IRAK1: variants seen among roughly 807,000 people sequenced by gnomAD.
IRAK1 encodes interleukin 1 receptor associated kinase 1.
Under a neutral mutation model 49.8 loss-of-function variants are expected in IRAK1, and 9 were observed. The ratio of observed to expected loss-of-function variants is 0.18; its 90% CI spans 0.11 to 0.32. IRAK1 has a LOEUF of 0.32. IRAK1 is among the 10% of genes least tolerant of loss of function. The probability of loss-of-function intolerance (pLI) is 1.00; values close to 1 mark genes in which losing one functional copy is unlikely to be tolerated. For synonymous variants in IRAK1, 282 were observed against 270.8 expected (o/e 1.04, Z -0.41); for missense variants, 418 against 600.5 (o/e 0.70, Z 3.18).
At chrX:154,018,167 C>G in intron 6 of IRAK1, 47 bp from the exon 7 acceptor site, 2 of 1,116,146 alleles carry the variant, frequency 1.8e-6, no homozygotes, top group Non-Finnish European at 2.5e-6. Flanking sequence ...ACTGGGTGGG[C>G]AGCCCTGGCT....
intron 7 of IRAK1, among the ~76,000 whole-genome samples, 179 bp downstream of exon 7, chrX:154,017,826 AT>A (rs58801763): frequency 0.087 from 2,749 of 31,464 alleles, 620 homozygotes; most frequent in Non-Finnish European, 0.12. Flanking sequence ...AAAAAAAAAA[AT>A]TGACCCCACC....
intron 7 of IRAK1, among the ~76,000 whole-genome samples, 174 bp downstream of exon 7, chrX:154,017,832 C>T: frequency 9.5e-6 from 1 of 105,209 alleles, no homozygotes; most frequent in East Asian, 3.0e-4. Context: ...AAAAATTGAC[C>T]CCACCGTGGG....
At chrX:154,018,843 G>A (rs1603304881) in intron 4 of IRAK1, 56 bp from the exon 5 acceptor site, 1 of 740,387 alleles carries the variant, frequency 1.4e-6, no homozygotes, top group East Asian at 3.4e-5. Flanking sequence ...TTCTGCCCAA[G>A]GCTCCAGGCT....
In IRAK1 at chrX:154,011,154, G is replaced by GACTC. The variant is rs1476736019; in HGVS notation, c.*701_*704dup. 3.0e-6 allele frequency: 1 copy of GACTC among 328,318 alleles called. No individual in the cohort carries two copies. Among genetic ancestry groups the GACTC allele is most frequent in the Non-Finnish European group, 6.0e-6 (1 of 165,695 alleles). The allele number at this position is 328,318 out of a possible 1,213,427, so 27.1% of individuals were successfully genotyped here. On this transcript the variant is annotated 3_prime_UTR_variant, in exon 14 of 14. Coordinates refer to ENST00000369980, the MANE Select transcript of IRAK1 (RefSeq NM_001569.4). ...GGCTGGAGTGCAGTCATACAATCAT[G>GACTC]ACTCACTGCAGCCTCGACCTCCCAA... is the stretch of plus-strand genomic sequence containing the variant.
chrX:154,011,895 C>A lies in IRAK1; in HGVS notation c.2103G>T (p.Arg701Ser), dbSNP rs1240155812. Residue 701 changes from arginine to serine, a missense_variant, in exon 14 of 14, where the codon AGG becomes AGT. By Grantham distance (110) the Arg-to-Ser change is moderately radical (BLOSUM62 -1). Coordinates refer to ENST00000369980, the MANE Select transcript of IRAK1 (RefSeq NM_001569.4). The part of the protein sequence containing the change: ...SLPGLGLEQD[R>S]QGPEESDEFQ... ...ATTCATCACTTTCTTCGGGCCCCTG[C>A]CTGTCCTGTTCCAGGCCCAAGCCTA... is the stretch of plus-strand genomic sequence containing the variant. The A allele has an allele frequency of 8.3e-7, 1 of 1,209,996 alleles. No individual in the cohort carries two copies. Among genetic ancestry groups the A allele is most frequent in the African/African-American group, 1.7e-5 (1 of 57,599 alleles).
Position 154,011,837 on chromosome X carries a change from G to C in IRAK1, c.*22C>G. ...TGAGAACTTTGACTTCCGGATTTGG[G>C]GGATCTGCCCAGGTGAACACATCAG... On this transcript the variant is annotated 3_prime_UTR_variant, in exon 14 of 14. Coordinates refer to ENST00000369980, the MANE Select transcript of IRAK1 (RefSeq NM_001569.4). 8.3e-7 allele frequency: 1 copy of C among 1,202,651 alleles called. No homozygotes were observed. Among genetic ancestry groups the C allele is most frequent in the African/African-American group, 1.7e-5 (1 of 57,823 alleles).
rs1194250023 is a variant in IRAK1 at position 154,018,011 on chromosome X, A to T, written c.904T>A (p.Cys302Ser). ...PNGSLEDRLH[C>S]QTQACPPLSW... ...GCCGGGCCAGGTGAGCCTACCTGGC[A>T]GTGGAGACGGTCCTCCAGGGAGCCG... The change falls in exon 7 of 14, where the codon TGC becomes AGC. Residue 302 changes from cysteine (C) to serine (S), a missense_variant. Cys to Ser is a moderately radical substitution (Grantham distance 112). Around this residue, in one of 3 missense-constraint regions of IRAK1, gnomAD observed 377 missense variants for 499.5 expected, o/e 0.75. Transcript: ENST00000369980. The T allele has an allele frequency of 1.7e-6, 2 of 1,192,099 alleles. No individual in the cohort carries two copies. The highest frequency in any genetic ancestry group is 2.3e-6 in the Non-Finnish European group (2 of 878,954).
chrX:154,018,523 C>T (rs2065756187), intron 5 of IRAK1, 76 bp downstream of exon 5: 4 of 961,613 alleles, frequency 4.2e-6, no homozygotes, highest in Non-Finnish European at 5.9e-6. Context: ...TGTGGGGAAG[C>T]GAGGGGGAAA....
chrX:154,013,707 C>T (rs2065718254), intron 11 of IRAK1, among the ~76,000 whole-genome samples: 2 of 113,099 alleles, frequency 1.8e-5, no homozygotes, highest in Admixed American at 1.9e-4. Flanking sequence ...CGGGGCCTCT[C>T]CATTTTCAAC....
intron 6 of IRAK1, 66 bp from the exon 7 acceptor site, chrX:154,018,186 A>C: frequency 9.2e-7 from 1 of 1,082,133 alleles, no homozygotes; most frequent in Non-Finnish European, 1.3e-6. Flanking sequence ...CTGGGGCCTC[A>C]GCTCGCCCGG....
chrX:154,018,840 C>T, intron 4 of IRAK1, 53 bp from the exon 5 acceptor site: 1 of 758,661 alleles, frequency 1.3e-6, no homozygotes, highest in Non-Finnish European at 2.0e-6. Flanking sequence ...CCCTTCTGCC[C>T]AAGGCTCCAG....
At position 154,018,630 on chromosome X, in the gene IRAK1, T is replaced by C; in HGVS notation, c.698A>G (p.Asn233Ser). ...CAGCCTCTTCACAGCATACACCGTGTTCCTCATCACCGCCCGGTACACGCA... is the reference window on the plus strand; with the variant it reads ...CAGCCTCTTCACAGCATACACCGTGCTCCTCATCACCGCCCGGTACACGCA... ...FGCVYRAVMR[N>S]TVYAVKRLKE... The change falls in exon 5 of 14, where the codon AAC becomes AGC. Residue 233 changes from asparagine (N) to serine (S), a missense_variant. Physicochemically the swap from Asn to Ser is conservative, Grantham distance 46. Around this residue, in one of 3 missense-constraint regions of IRAK1, gnomAD observed 377 missense variants for 499.5 expected, o/e 0.75. Coordinates refer to ENST00000369980, the MANE Select transcript of IRAK1 (RefSeq NM_001569.4). The C allele has an allele frequency of 8.3e-7, 1 of 1,209,761 alleles. No homozygotes were observed. Among genetic ancestry groups the C allele is most frequent in the Non-Finnish European group, 1.1e-6 (1 of 894,054 alleles).
rs782052791 is a variant in IRAK1 at position 154,014,029 on chromosome X, C to T, written c.1539+13G>A. 4.2e-6 allele frequency: 5 copies of T among 1,195,806 alleles called. No homozygotes were observed. The highest frequency in any genetic ancestry group is 2.4e-5 in the Admixed American group (1 of 42,439). ...TCTATCTGGCCACCCCGTCCCAGTG[C>T]GCAGCTGGCTACCTGGGTCATAGGA... is the stretch of plus-strand genomic sequence containing the variant. On this transcript the variant is annotated intron_variant, in intron 11 of 13. Coordinates refer to ENST00000369980, the MANE Select transcript of IRAK1 (RefSeq NM_001569.4).
chrX:154,012,692 G>C lies in IRAK1; in HGVS notation c.1931-14C>G. 1 of 1,206,935 alleles carries C rather than the reference G, an allele frequency of 8.3e-7. No individual in the cohort carries two copies. Among genetic ancestry groups the C allele is most frequent in the Non-Finnish European group, 1.1e-6 (1 of 892,291 alleles). ...CAAGGGCCAGTCCTGGGGTGGAGAT[G>C]GCACTCCCTTAGCCTCATGCTGTGG... On this transcript the variant is annotated splice_polypyrimidine_tract_variant and intron_variant, in intron 12 of 13. Transcript: ENST00000369980.
Position 154,017,989 on chromosome X carries a change from G to A in IRAK1, c.909+17C>T, listed in dbSNP as rs200201453. 5.4e-4 allele frequency: 609 copies of A among 1,126,070 alleles called. 2 individuals carry two copies. Among genetic ancestry groups the A allele is most frequent in the Non-Finnish European group, 1.1e-4 (88 of 819,167 alleles). 92.8% of individuals were successfully genotyped at this position (1,126,070 alleles called of 1,213,427 possible). On this transcript the variant is annotated intron_variant, in intron 7 of 13. Transcript: ENST00000369980. ...TGCTTTGGGTCCTGGGAAGCGTGCC[G>A]GGCCAGGTGAGCCTACCTGGCAGTG...
rs782010154 is a variant in IRAK1 at position 154,019,714 on chromosome X, C to A, written c.99G>T (p.Val33=). Residue 33 remains valine, a synonymous_variant, in exon 1 of 14, where the codon GTG becomes GTT. Transcript: ENST00000369980. ...AGTCGGCGGGCTCCAGGGCGTCCATCACTTTGTAGAAGCGGCACATGACCC... is the reference window on the plus strand; with the variant it reads ...AGTCGGCGGGCTCCAGGGCGTCCATAACTTTGTAGAAGCGGCACATGACCC... The part of the protein sequence containing the change: ...PPWVMCRFYK[V]MDALEPADWC... 1.2e-5 allele frequency: 12 copies of A among 991,016 alleles called. No individual in the cohort carries two copies. The highest frequency in any genetic ancestry group is 4.0e-5 in the East Asian group (1 of 24,701). 81.7% of individuals were successfully genotyped at this position (991,016 alleles called of 1,213,427 possible).
intron 4 of IRAK1, 31 bp downstream of exon 4, chrX:154,018,944 G>A (rs781967042): frequency 3.6e-6 from 4 of 1,103,480 alleles, no homozygotes; most frequent in East Asian, 3.0e-5. Context: ...TCCTTGTCTC[G>A]AATCTTCCCT....
In IRAK1 at chrX:154,010,772, TCTCA is replaced by T. The variant is rs1238741684; in HGVS notation, c.*1083_*1086del. 8.3e-6 allele frequency: 2 copies of T among 241,060 alleles called. No homozygotes were observed. Among genetic ancestry groups the T allele is most frequent in the African/African-American group, 5.7e-5 (2 of 34,851 alleles). The allele number at this position is 241,060 out of a possible 1,213,427, so 19.9% of individuals were successfully genotyped here. ...CCAACTTTTCTGCCTTCCAGGGGCT[TCTCA>T]CTGTCTGGGTAACTAGGTCTTGGGC... On this transcript the variant is annotated 3_prime_UTR_variant, in exon 14 of 14. Transcript: ENST00000369980.
At chrX:154,017,109 G>A (rs985740846) in intron 7 of IRAK1, 42 bp from the exon 8 acceptor site, 5 of 858,613 alleles carry the variant, frequency 5.8e-6, no homozygotes, top group East Asian at 3.1e-5. Flanking sequence ...CTGGATGGCC[G>A]TTCCTTGATC....
Sources: gnomAD v4.1 joint callset for allele counts (sites outside exome capture counted in the v4.1 genomes callset) on GRCh38, gnomAD v4.1.1 for gene constraint, gnomAD v4.1.1 regional missense constraint, MANE v1.5 for transcripts, NCBI Gene and HGNC (gene_info 2026-07-23, HGNC 2026-07-21) for gene names.